Variants in ITPK1 observed in about 807,000 individuals in gnomAD.
The protein encoded by ITPK1 is inositol-tetrakisphosphate 1-kinase.
In ITPK1, 21 loss-of-function variants were observed where a neutral mutation model predicts 45.3. That is an observed-to-expected ratio of 0.46 (90% confidence interval 0.33 to 0.67). The LOEUF (loss-of-function observed/expected upper bound fraction) is 0.67, where lower values mean the gene tolerates loss of function less well. Among genes scored for constraint, ITPK1 ranks in the 30% least tolerant of loss-of-function variants. The pLI is 0.02. For missense variants in ITPK1, 474 were observed against 573.5 expected (o/e 0.83, Z 1.77); for synonymous variants, 258 against 253.6 (o/e 1.02, Z -0.16).
At chr14:92,946,264 A>G (rs1998054) in intron 10 of ITPK1, 67 bp downstream of exon 10, 628,834 of 1,572,260 alleles carry the variant, frequency 0.4, 131,803 homozygotes, top group East Asian at 0.8. Flanking sequence ...ACCCCGCCTC[A>G]CCTGCCTGGT....
At chr14:93,059,669 C>T (rs1338643104) in intron 3 of ITPK1, among the ~76,000 whole-genome samples, 1 of 33,330 alleles carries the variant, frequency 3.0e-5, no homozygotes, top group Non-Finnish European at 5.3e-5. Flanking sequence ...GTCACGGTCA[C>T]GAGGCAGGGG....
chr14:92,955,849 G>A (rs547195474), intron 8 of ITPK1, among the ~76,000 whole-genome samples: 102 of 152,362 alleles, frequency 6.7e-4, no homozygotes, highest in Middle Eastern at 3.4e-3. Context: ...GCTGGGGTGA[G>A]GGCCGGAAAG....
intron 4 of ITPK1, among the ~76,000 whole-genome samples, chr14:93,003,627 C>G (rs547037870): frequency 1.3e-5 from 2 of 152,326 alleles, no homozygotes; most frequent in Admixed American, 6.5e-5. Flanking sequence ...GACCACCAAG[C>G]CTAGCTACCC....
rs541294053 is a variant in ITPK1, at chr14:92,968,556, G to A, written c.365-5707C>T. Reference sequence around the variant, plus strand: ...GAGGTGAAGTCAGAGAAGGAACAAGGGGAGCCCATCTTCCTCCAGAGATGT... The same window carrying A: ...GAGGTGAAGTCAGAGAAGGAACAAGAGGAGCCCATCTTCCTCCAGAGATGT... On this transcript the variant is annotated intron_variant, in intron 5 of 10. Coordinates refer to ENST00000267615, the MANE Select transcript of ITPK1 (RefSeq NM_014216.6). Among the ~76,000 whole-genome samples, 9 of 152,256 alleles carry A rather than the reference G, an allele frequency of 5.9e-5. No individual in the cohort carries two copies. The South Asian group carries it at 1.7e-3, about 28-fold the overall frequency.
chr14:93,075,040 T>C (rs1421242969), intron 3 of ITPK1, among the ~76,000 whole-genome samples: 4 of 152,132 alleles, frequency 2.6e-5, no homozygotes, highest in Non-Finnish European at 5.9e-5. Context: ...AAAAATTCAA[T>C]GCAGGTTGGG....
At position 92,940,690 on chromosome 14, in the gene ITPK1, C is replaced by T; in HGVS notation, c.*871G>A. ...GGCACAAAGCCAGCCCTGTGGTGCT[C>T]TCTGATCTCAAATGTCCACTAGAGA... On this transcript the variant is annotated 3_prime_UTR_variant, in exon 11 of 11. Coordinates refer to ENST00000267615, the MANE Select transcript of ITPK1 (RefSeq NM_014216.6). The T allele has an allele frequency of 7.8e-7, 1 of 1,284,412 alleles. No homozygotes were observed. Among genetic ancestry groups the T allele is most frequent in the Non-Finnish European group, 1.0e-6 (1 of 986,534 alleles). The allele number at this position is 1,284,412 out of a possible 1,614,324, so 79.6% of individuals were successfully genotyped here.
intron 8 of ITPK1, among the ~76,000 whole-genome samples, chr14:92,957,582 C>A (rs1247413381): frequency 6.6e-6 from 1 of 152,214 alleles, no homozygotes; most frequent in Non-Finnish European, 1.5e-5. Context: ...CAGCATCATG[C>A]AGAGAACGCC....
intron 5 of ITPK1, among the ~76,000 whole-genome samples, chr14:92,974,773 G>C (rs1425198733): frequency 6.6e-6 from 1 of 151,314 alleles, no homozygotes; most frequent in Non-Finnish European, 1.5e-5. Flanking sequence ...AGGCCCATGG[G>C]GCCTGGGTCA....
chr14:92,941,802 A>T lies in ITPK1; in HGVS notation c.1004T>A (p.Leu335Gln), dbSNP rs1887433692. The T allele has an allele frequency of 6.2e-7, 1 of 1,611,366 alleles. No homozygotes were observed. Reference sequence around the variant, plus strand: ...GGCCAGAAGCTTGCTGTGCCTCAGCAGGGCCACGTCCCCTGTGGCTGCCAT... The same window carrying T: ...GGCCAGAAGCTTGCTGTGCCTCAGCTGGGCCACGTCCCCTGTGGCTGCCAT... ...TAMAATGDVALLRHSKLLAEP... is the reference protein window; with the variant it reads ...TAMAATGDVAQLRHSKLLAEP... Residue 335 changes from leucine to glutamine, a missense_variant, in exon 11 of 11, where the codon CTG becomes CAG. By Grantham distance (113) the Leu-to-Gln change is moderately radical (BLOSUM62 -2). Around this residue, in one of 2 missense-constraint regions of ITPK1, gnomAD observed 367 missense variants for 480.6 expected, o/e 0.76. Transcript: ENST00000267615.
intron 2 of ITPK1, among the ~76,000 whole-genome samples, chr14:93,094,065 G>T (rs1222467288): frequency 6.6e-6 from 1 of 152,242 alleles, no homozygotes; most frequent in Non-Finnish European, 1.5e-5. Flanking sequence ...GGAGAAGGGA[G>T]GGTCTGGGGG....
At chr14:93,064,098 A>G (rs563791493) in intron 3 of ITPK1, among the ~76,000 whole-genome samples, 2 of 152,208 alleles carry the variant, frequency 1.3e-5, no homozygotes, top group Admixed American at 1.3e-4. Flanking sequence ...CCTGGCTAAC[A>G]TGGTGAAACC....
chr14:93,000,827 C>A (rs186891022), intron 4 of ITPK1, among the ~76,000 whole-genome samples: 1 of 151,646 alleles, frequency 6.6e-6, no homozygotes, highest in Admixed American at 6.6e-5. Flanking sequence ...CAAAAATTGC[C>A]GTGCATGGTG....
Position 93,115,313 on chromosome 14 carries a change from G to A in ITPK1, c.-142-8C>T, listed in dbSNP as rs1892900486. On this transcript the variant is annotated splice_region_variant and splice_polypyrimidine_tract_variant and intron_variant, in intron 1 of 10. Transcript: ENST00000267615. ...GAGCTGGGGCGCGCAGTCCTGCCGC[G>A]CGGAGCGGAGCGGGGCGGGGCGCGG... The A allele has an allele frequency of 8.7e-6, 3 of 344,140 alleles. No individual in the cohort carries two copies. Among genetic ancestry groups the A allele is most frequent in the African/African-American group, 4.4e-5 (2 of 45,508 alleles). The allele number at this position is 344,140 out of a possible 1,614,324, so 21.3% of individuals were successfully genotyped here. A position where few individuals can be genotyped will look rare whatever the true frequency, so the allele number is the denominator to read the frequency against.
chr14:92,952,158 G>T, intron 8 of ITPK1, 145 bp from the exon 9 acceptor site: 1 of 676,876 alleles, frequency 1.5e-6, no homozygotes. Context: ...AGCAAGCTGG[G>T]CACCAGCCCT....
chr14:93,000,911 C>T (rs577061959), intron 4 of ITPK1, among the ~76,000 whole-genome samples: 4 of 133,672 alleles, frequency 3.0e-5, no homozygotes, highest in Admixed American at 1.6e-4. Flanking sequence ...GCAGAGGTTG[C>T]AATGAGCTGA....
At chr14:92,954,608 T>C (rs1888108343) in intron 8 of ITPK1, among the ~76,000 whole-genome samples, 1 of 152,264 alleles carries the variant, frequency 6.6e-6, no homozygotes. Flanking sequence ...GTGTGTTTTC[T>C]TCTCAACTTA....
At chr14:92,965,960 G>A (rs146749092) in intron 5 of ITPK1, among the ~76,000 whole-genome samples, 100 of 152,292 alleles carry the variant, frequency 6.6e-4, no homozygotes, top group African/African-American at 2.1e-3. Context: ...CCAAGATCGC[G>A]CCATTGCATT....
At chr14:93,044,326 C>A (rs957712097) in intron 3 of ITPK1, among the ~76,000 whole-genome samples, 8 of 142,944 alleles carry the variant, frequency 5.6e-5, no homozygotes, top group Non-Finnish European at 1.3e-4. Flanking sequence ...GAGTCACCCA[C>A]GTGTAATCTG....
chr14:93,010,807 C>T (rs1238826303), intron 4 of ITPK1, among the ~76,000 whole-genome samples: 1 of 152,192 alleles, frequency 6.6e-6, no homozygotes, highest in Non-Finnish European at 1.5e-5. Context: ...CATCATCACA[C>T]CCCAGGCACT....
Sources: allele counts gnomAD v4.1 joint callset (sites outside exome capture counted in the v4.1 genomes callset), GRCh38; gene constraint gnomAD v4.1.1; regional missense constraint gnomAD v4.1.1; transcripts MANE v1.5; gene names NCBI Gene and HGNC (gene_info 2026-07-23, HGNC 2026-07-21).